USP46: variants seen among roughly 807,000 people sequenced by gnomAD.
USP46 encodes the protein ubiquitin carboxyl-terminal hydrolase 46.
In USP46, 12 loss-of-function variants were observed where a neutral mutation model predicts 44.4. The ratio of observed to expected loss-of-function variants is 0.27; its 90% CI spans 0.17 to 0.44. USP46 has a LOEUF of 0.44. Ranked by LOEUF, USP46 falls within the 20% of genes least tolerant of loss-of-function variation. The probability of loss-of-function intolerance (pLI) is 1.00; values close to 1 mark genes in which losing one functional copy is unlikely to be tolerated. For synonymous variants in USP46, 155 were observed against 161.5 expected, an observed-to-expected ratio of 0.96 and a Z score of 0.31; for missense variants, 248 against 444.8, an observed-to-expected ratio of 0.56 and a Z score of 3.98.
At position 52,595,525 on chromosome 4, in the gene USP46, A is replaced by T. The variant is rs1716194671; in HGVS notation, c.*2115T>A. On this transcript the variant is annotated 3_prime_UTR_variant, in exon 9 of 9. Transcript: ENST00000441222. Reference sequence around the variant, plus strand: ...AATCTATCCATGAATGCTGAATTTTAACTGACTCTTTCTATTAAAAGGAAT... The same window carrying T: ...AATCTATCCATGAATGCTGAATTTTTACTGACTCTTTCTATTAAAAGGAAT... The T allele has an allele frequency of 6.6e-6, 1 of 152,302 alleles. No homozygotes were observed. The highest frequency in any genetic ancestry group is 1.5e-5 in the Non-Finnish European group (1 of 68,038). The allele number at this position is 152,302 out of a possible 1,614,324, so 9.4% of individuals were successfully genotyped here.
intron 1 of USP46, among the ~76,000 whole-genome samples, chr4:52,650,204 G>GC (rs1449305151): frequency 1.3e-5 from 2 of 152,180 alleles, no homozygotes; most frequent in African/African-American, 4.8e-5. Context: ...CTACCAAACT[G>GC]CCCCTAAATA....
chr4:52,633,431 T>C (rs1717991266), intron 1 of USP46, among the ~76,000 whole-genome samples: 1 of 152,208 alleles, frequency 6.6e-6, no homozygotes, highest in African/African-American at 2.4e-5. Flanking sequence ...TGACACTATA[T>C]ACAAGGCTGA....
intron 1 of USP46, among the ~76,000 whole-genome samples, chr4:52,644,258 T>A (rs1718454481): frequency 6.6e-6 from 1 of 152,136 alleles, no homozygotes; most frequent in Non-Finnish European, 1.5e-5. Flanking sequence ...CCTATGATCT[T>A]AACACCATTA....
intron 1 of USP46, among the ~76,000 whole-genome samples, chr4:52,646,433 G>GA (rs1249949452): frequency 6.6e-6 from 1 of 152,106 alleles, no homozygotes; most frequent in African/African-American, 2.4e-5. Flanking sequence ...AGCAATGGGA[G>GA]AAAAAACATG....
At position 52,626,053 on chromosome 4, in the gene USP46, G is replaced by A; in HGVS notation, c.526C>T (p.Leu176Phe). 1 of 1,613,916 alleles carries A rather than the reference G, an allele frequency of 6.2e-7. No homozygotes were observed. Among genetic ancestry groups the A allele is most frequent in the Non-Finnish European group, 8.5e-7 (1 of 1,179,856 alleles). The change falls in exon 4 of 9, where the codon CTT becomes TTT. Residue 176 changes from leucine to phenylalanine, a missense_variant. Physicochemically the swap from Leu to Phe is conservative, Grantham distance 22. This residue lies in a region of USP46 where 98 missense variants were observed against 218.2 expected (regional missense o/e 0.45). Coordinates refer to ENST00000441222, the MANE Select transcript of USP46 (RefSeq NM_022832.4). ...TWVHEIFQGT[L>F]TNETRCLNCE... ...TTCAAGCATCGAGTTTCATTGGTAA[G>A]CGTTCCCTGAAAAATCTCATGGACC...
intron 1 of USP46, among the ~76,000 whole-genome samples, chr4:52,637,902 C>G (rs146891927): frequency 6.6e-6 from 1 of 152,140 alleles, no homozygotes; most frequent in Non-Finnish European, 1.5e-5. Context: ...CATCTGAGTG[C>G]TCCTCCTTCC....
intron 7 of USP46, among the ~76,000 whole-genome samples, chr4:52,600,979 GAAGTT>G (rs1716447424): frequency 6.6e-6 from 1 of 152,212 alleles, no homozygotes; most frequent in Admixed American, 6.5e-5. Flanking sequence ...CTTCAGATGT[GAAGTT>G]ATACAGTTTC....
chr4:52,655,169 G>A (rs1454057842), intron 1 of USP46: 2 of 152,224 alleles, frequency 1.3e-5, no homozygotes, highest in Non-Finnish European at 2.9e-5. Flanking sequence ...CCACTGTACA[G>A]CTGCTGGGAG....
At chr4:52,642,973 T>C (rs764938923) in intron 1 of USP46, among the ~76,000 whole-genome samples, 1 of 152,224 alleles carries the variant, frequency 6.6e-6, no homozygotes, top group Non-Finnish European at 1.5e-5. Flanking sequence ...AATGTGTTAA[T>C]ATATTAATGT....
intron 7 of USP46, among the ~76,000 whole-genome samples, chr4:52,599,586 G>T (rs1267943965): frequency 3.3e-5 from 5 of 152,134 alleles, no homozygotes; most frequent in African/African-American, 1.2e-4. Context: ...ATAGTAACAA[G>T]TGTTAAAAAG....
At chr4:52,655,573 A>C (rs917754725) in intron 1 of USP46, among the ~76,000 whole-genome samples, 3 of 152,218 alleles carry the variant, frequency 2.0e-5, no homozygotes, top group Non-Finnish European at 4.4e-5. Context: ...CAAAAACAAA[A>C]ACTTTCCATT....
intron 1 of USP46, among the ~76,000 whole-genome samples, chr4:52,632,990 A>AAAGAAAGAAAGGAAAAGAAAG: frequency 3.0e-5 from 2 of 66,346 alleles, no homozygotes; most frequent in African/African-American, 6.0e-5. Context: ...GAAAGAAAAG[A>AAAGAAAGAAAGGAAAAGAAAG]AAAGAAAGAA....
At position 52,591,351 on chromosome 4, in the gene USP46, T is replaced by C. The variant is rs1328725539; in HGVS notation, c.*6289A>G. The stretch of plus-strand genomic sequence containing the variant: ...GTCAAGTCGGATACAAGTCTGAGTT[T>C]TCTTTTCAAAGCTCCCTTATGCTGA... On this transcript the variant is annotated 3_prime_UTR_variant, in exon 9 of 9. Transcript: ENST00000441222. The C allele has an allele frequency of 6.6e-6, 1 of 152,208 alleles. No homozygotes were observed. Among genetic ancestry groups the C allele is most frequent in the East Asian group, 1.9e-4 (1 of 5,198 alleles). 9.4% of individuals were successfully genotyped at this position (152,208 alleles called of 1,614,324 possible). A position where few individuals can be genotyped will look rare whatever the true frequency, so the allele number is the denominator to read the frequency against.
intron 1 of USP46, among the ~76,000 whole-genome samples, chr4:52,643,058 T>G (rs1416885400): frequency 6.6e-6 from 1 of 152,198 alleles, no homozygotes; most frequent in East Asian, 1.9e-4. Flanking sequence ...AAACTGGCGA[T>G]GAATTAAATA....
rs575511977 is a variant in USP46, at chr4:52,595,863, A to C, written c.*1777T>G. On this transcript the variant is annotated 3_prime_UTR_variant, in exon 9 of 9. Coordinates refer to ENST00000441222, the MANE Select transcript of USP46 (RefSeq NM_022832.4). ...CAGTTGGAAAGTGCCTCTCCTTAAA[A>C]AGAGATCAAAACTCACCTTCCAGGT... The C allele has an allele frequency of 6.6e-6, 1 of 152,602 alleles. No homozygotes were observed. Among genetic ancestry groups the C allele is most frequent in the African/African-American group, 2.4e-5 (1 of 41,580 alleles). The allele number at this position is 152,602 out of a possible 1,614,324, so 9.5% of individuals were successfully genotyped here. A position where few individuals can be genotyped will look rare whatever the true frequency, so the allele number is the denominator to read the frequency against.
At chr4:52,603,526 A>C (rs1310465673) in intron 6 of USP46, among the ~76,000 whole-genome samples, 1 of 152,104 alleles carries the variant, frequency 6.6e-6, no homozygotes, top group Non-Finnish European at 1.5e-5. Context: ...AGATAGATTT[A>C]ACTCACAGGA....
chr4:52,624,296 T>C (rs1220972259), intron 4 of USP46, among the ~76,000 whole-genome samples: 1 of 152,146 alleles, frequency 6.6e-6, no homozygotes, highest in Non-Finnish European at 1.5e-5. Context: ...ACAGAGACAG[T>C]GGCAGGGAGG....
chr4:52,599,534 G>T (rs912693512), intron 7 of USP46, among the ~76,000 whole-genome samples: 6 of 152,178 alleles, frequency 3.9e-5, no homozygotes, highest in African/African-American at 1.2e-4. Context: ...TTAAGGAGTT[G>T]TATGATCTAT....
At chr4:52,641,005 G>T (rs1396553972) in intron 1 of USP46, among the ~76,000 whole-genome samples, 1 of 151,678 alleles carries the variant, frequency 6.6e-6, no homozygotes, top group Non-Finnish European at 1.5e-5. Flanking sequence ...TGGCTGAGAG[G>T]CTGGGCTGTT....
Sources: gnomAD v4.1 joint callset for allele counts (sites outside exome capture counted in the v4.1 genomes callset) on GRCh38, gnomAD v4.1.1 for gene constraint, gnomAD v4.1.1 regional missense constraint, MANE v1.5 for transcripts, NCBI Gene and HGNC (gene_info 2026-07-23, HGNC 2026-07-21) for gene names.